HOOK2: variants seen among roughly 807,000 people sequenced by gnomAD.
HOOK2 encodes the protein hook microtubule tethering protein 2.
Under a neutral mutation model 111.9 loss-of-function variants are expected in HOOK2, and 108 were observed. That is an observed-to-expected ratio of 0.96 (90% CI 0.83 to 1.13). The LOEUF is 1.13. HOOK2 is among the 50% of genes most tolerant of loss of function. The pLI is 0.00. For missense variants in HOOK2, 978 were observed against 951.3 expected (o/e 1.03, Z -0.37); for synonymous variants, 405 against 394.3 (o/e 1.03, Z -0.32).
chr19:12,776,417 C>A (rs939619326), upstream of HOOK2, among the ~76,000 whole-genome samples: 1 of 151,806 alleles, frequency 6.6e-6, no homozygotes, highest in African/African-American at 2.4e-5. Flanking sequence ...AGCGGTGGCT[C>A]ACGCCTGTAA....
At chr19:12,776,891 G>A (rs2145785241), upstream of HOOK2, among the ~76,000 whole-genome samples, 1 of 151,786 alleles carries the variant, frequency 6.6e-6, no homozygotes, top group East Asian at 2.0e-4. Flanking sequence ...GGGCGCGGCG[G>A]CTCACGTCTG....
At chr19:12,792,218 G>A (rs1432201177) in intron 3 of HOOK2, 2 of 1,544,744 alleles carry the variant, frequency 1.3e-6, no homozygotes, top group Non-Finnish European at 1.8e-6. Context: ...TGCACAAGAT[G>A]AACCACGTGA....
chr19:12,767,436 G>A lies in HOOK2; in HGVS notation c.1332C>T (p.Pro444=), dbSNP rs1968187997. 1.2e-6 allele frequency: 2 copies of A among 1,613,974 alleles called. No homozygotes were observed. The highest frequency in any genetic ancestry group is 1.7e-6 in the Non-Finnish European group (2 of 1,179,974). The stretch of plus-strand genomic sequence containing the variant: ...GGATCTCTGCGGCTAAGTTATCCAC[G>A]GGTGTGGAGGTGGGATCCAGTGAGG... ...ADPSLDPTST[P]VDNLAAEILP... The change falls in exon 14 of 23, where the codon CCC becomes CCT. Residue 444 remains proline (P), a synonymous_variant. Coordinates refer to ENST00000397668, the MANE Select transcript of HOOK2 (RefSeq NM_013312.3).
At chr19:12,776,610 C>T (rs1027721041), upstream of HOOK2, among the ~76,000 whole-genome samples, 2 of 141,580 alleles carry the variant, frequency 1.4e-5, no homozygotes, top group Admixed American at 7.7e-5. Flanking sequence ...ACCCTGGAGG[C>T]GGAGGTTGCA....
At chr19:12,789,402 G>C (rs1416388271) in intron 3 of HOOK2, among the ~76,000 whole-genome samples, 1 of 152,026 alleles carries the variant, frequency 6.6e-6, no homozygotes, top group Non-Finnish European at 1.5e-5. Flanking sequence ...TCTCTGACTC[G>C]GGGAGGGAAG....
chr19:12,766,425 G>A, intron 14 of HOOK2, 185 bp from the exon 15 acceptor site: 4 of 683,494 alleles, frequency 5.9e-6, no homozygotes, highest in South Asian at 2.2e-5. Context: ...AGTGGACGGA[G>A]CTCTAAGCTG....
At chr19:12,792,170 G>A (rs1487620626) in intron 3 of HOOK2, 5 of 1,590,592 alleles carry the variant, frequency 3.1e-6, no homozygotes, top group Non-Finnish European at 4.3e-6. Context: ...AGGAGCAGGA[G>A]GGCTTCGCCG....
At chr19:12,771,101 G>T (rs369332065) in intron 9 of HOOK2, 29 bp from the exon 10 acceptor site, 46 of 1,611,390 alleles carry the variant, frequency 2.9e-5, no homozygotes, top group Non-Finnish European at 3.4e-5. Context: ...GAGCACATGA[G>T]GGGGCTGCCC....
intron 7 of HOOK2, 40 bp from the exon 8 acceptor site, chr19:12,771,517 A>G (rs1398753664): frequency 1.3e-6 from 2 of 1,553,226 alleles, no homozygotes; most frequent in Admixed American, 3.6e-5. Flanking sequence ...GGGATTCAGG[A>G]GAAGGACGGG....
At position 12,767,850 on chromosome 19, in the gene HOOK2, G is replaced by A. The variant is rs778364046; in HGVS notation, c.1269C>T (p.Cys423=). The change falls in exon 13 of 23, where the codon TGC becomes TGT. Residue 423 remains cysteine (C), a synonymous_variant. Transcript: ENST00000397668. ...SLREANEELR[C]AQLQPRGLTQ... is the part of the protein sequence containing the mutation. ...TCAACCCCCGCGGCTGCAGCTGGGC[G>A]CAGCGCAGCTCCTCATTGGCCTCCC... is the stretch of plus-strand genomic sequence containing the variant. 1.2e-5 allele frequency: 19 copies of A among 1,605,536 alleles called. No individual in the cohort carries two copies. The highest frequency in any genetic ancestry group is 2.2e-5 in the East Asian group (1 of 44,892).
In HOOK2 at chr19:12,791,907, C is replaced by G; in HGVS notation, n.42-17682G>C. On this transcript the variant is annotated intron_variant and non_coding_transcript_variant, in intron 3 of 3. Coordinates refer to the HOOK2 transcript ENST00000589765. This position sits in a 1 kb window ranked among gnomAD's most constrained non-coding sequence, Gnocchi z 7.0. Reference sequence around the variant, plus strand: ...GAGCCTGGCGGTCAACCTGGCCGACCCCTACCGGAGTCTCAAAGCGCCTGG... The same window carrying G: ...GAGCCTGGCGGTCAACCTGGCCGACGCCTACCGGAGTCTCAAAGCGCCTGG... 1 of 1,613,316 alleles carries G rather than the reference C, an allele frequency of 6.2e-7. No homozygotes were observed. Among genetic ancestry groups the G allele is most frequent in the Non-Finnish European group, 8.5e-7 (1 of 1,179,886 alleles).
chr19:12,786,839 T>C lies in HOOK2; in HGVS notation n.42-12614A>G, dbSNP rs979686998. Among the ~76,000 whole-genome samples the C allele has an allele frequency of 6.6e-6, 1 of 151,908 alleles. No individual in the cohort carries two copies. The highest frequency in any genetic ancestry group is 1.5e-5 in the Non-Finnish European group (1 of 67,948). On this transcript the variant is annotated intron_variant and non_coding_transcript_variant, in intron 3 of 3. Transcript: ENST00000589765. This position sits in a 1 kb window ranked among gnomAD's most constrained non-coding sequence, Gnocchi z 4.3. ...GCCTGTCCACAGAGACCCGTGCCCC[T>C]CTGTCTGTGCCCCACCACATTTCTC...
Position 12,775,408 on chromosome 19 carries a change from G to T in HOOK2, c.42C>A (p.Thr14=), listed in dbSNP as rs1968471412. The T allele has an allele frequency of 6.2e-7, 1 of 1,612,692 alleles. No homozygotes were observed. The highest frequency in any genetic ancestry group is 8.5e-7 in the Non-Finnish European group (1 of 1,179,608). ...DKAELCGSLL[T]WLQTFHVPSP... ...CTAGCCCCGCCCCACGACCTACCCAGGTGAGCAGAGACCCGCATAGCTCAG... is the reference window on the plus strand; with the variant it reads ...CTAGCCCCGCCCCACGACCTACCCATGTGAGCAGAGACCCGCATAGCTCAG... Residue 14 remains threonine, a synonymous_variant, in exon 1 of 23, where the codon ACC becomes ACA. Coordinates refer to ENST00000397668, the MANE Select transcript of HOOK2 (RefSeq NM_013312.3).
chr19:12,779,821 T>TGTAACATCCTTGTCG (rs1336273268), upstream of HOOK2, among the ~76,000 whole-genome samples: 5 of 152,136 alleles, frequency 3.3e-5, no homozygotes, highest in Non-Finnish European at 4.4e-5. Context: ...AGGGGAAATT[T>TGTAACATCCTTGTCG]GTAACATCCT....
chr19:12,784,669 A>G (rs1292477265), intron 3 of HOOK2: 3 of 152,360 alleles, frequency 2.0e-5, no homozygotes, highest in African/African-American at 4.8e-5. Context: ...AGCAGGCAAC[A>G]TGTGCATGCT....
At chr19:12,768,297 G>C (rs1181720794) in intron 11 of HOOK2, among the ~76,000 whole-genome samples, 174 bp from the exon 12 acceptor site, 1 of 152,130 alleles carries the variant, frequency 6.6e-6, no homozygotes, top group Non-Finnish European at 1.5e-5. Context: ...GTCTCCCTCT[G>C]TTGCCCTGGC....
At chr19:12,778,205 C>T (rs1381972237), upstream of HOOK2, 3 of 152,266 alleles carry the variant, frequency 2.0e-5, no homozygotes, top group African/African-American at 7.2e-5. Context: ...CTCCCACCCA[C>T]CCAGAAGATC....
chr19:12,781,464 C>T (rs1968600892), upstream of HOOK2, among the ~76,000 whole-genome samples: 1 of 150,098 alleles, frequency 6.7e-6, no homozygotes, highest in Admixed American at 6.6e-5. Flanking sequence ...GTAGCTGGGA[C>T]CACAGGCGCC....
At chr19:12,775,032 G>A (rs962087049) in intron 1 of HOOK2, 135 bp from the exon 2 acceptor site, 2 of 1,113,220 alleles carry the variant, frequency 1.8e-6, no homozygotes, top group African/African-American at 1.6e-5. Flanking sequence ...GCTCTGCGAG[G>A]GACTGGCTTC....
Sources: gnomAD v4.1 joint callset for allele counts (sites outside exome capture counted in the v4.1 genomes callset) on GRCh38, gnomAD v4.1.1 for gene constraint, Gnocchi (gnomAD v3.1) non-coding constraint, MANE v1.5 for transcripts, NCBI Gene and HGNC (gene_info 2026-07-23, HGNC 2026-07-21) for gene names.